Variants in TBC1D14 observed in about 807,000 individuals in gnomAD.
The protein encoded by TBC1D14 is TBC1 domain family member 14.
TBC1D14 carries 26 observed loss-of-function variants against 79.0 expected under a neutral mutation model. That is an observed-to-expected ratio of 0.33 (90% CI 0.24 to 0.46). The LOEUF (loss-of-function observed/expected upper bound fraction) is 0.46, where lower values mean the gene tolerates loss of function less well. Ranked by LOEUF, TBC1D14 falls within the 20% of genes least tolerant of loss-of-function variation. The pLI is 1.00. For synonymous variants in TBC1D14, 394 were observed against 349.9 expected (o/e 1.13, Z -1.40); for missense variants, 769 against 887.6 (o/e 0.87, Z 1.70).
rs1711557699 is a variant in TBC1D14 at position 6,929,788 on chromosome 4, G to T, written c.722+5677G>T. 2.0e-5 allele frequency among the ~76,000 whole-genome samples: 3 copies of T among 152,244 alleles called. No homozygotes were observed. In the South Asian group the frequency reaches 6.2e-4, roughly 31 times the overall value. On this transcript the variant is annotated intron_variant, in intron 2 of 13. Coordinates refer to ENST00000409757, the MANE Select transcript of TBC1D14 (RefSeq NM_020773.3). ...AATGAGTTAAACTGTTAGCTGGATAGAGTTGAGATGAGCAGCTCCCTTTGG... is the reference window on the plus strand; with the variant it reads ...AATGAGTTAAACTGTTAGCTGGATATAGTTGAGATGAGCAGCTCCCTTTGG...
intron 2 of TBC1D14, among the ~76,000 whole-genome samples, chr4:6,960,978 C>A (rs1311675432): frequency 6.6e-6 from 1 of 152,200 alleles, no homozygotes; most frequent in Non-Finnish European, 1.5e-5. Flanking sequence ...AATGTGTGAG[C>A]CGTGGACCTC....
chr4:6,987,160 G>C (rs1007671463), intron 3 of TBC1D14: 1 of 1,136,052 alleles, frequency 8.8e-7, no homozygotes, highest in African/African-American at 1.6e-5. Flanking sequence ...GCGCCGAGCC[G>C]GCAGCGCGGA....
At chr4:6,975,665 G>T (rs1716654229) in intron 3 of TBC1D14, among the ~76,000 whole-genome samples, 1 of 152,164 alleles carries the variant, frequency 6.6e-6, no homozygotes, top group African/African-American at 2.4e-5. Flanking sequence ...TAAAGGAAAA[G>T]AAACTATAAA....
At chr4:6,983,362 G>A (rs1360330282) in intron 3 of TBC1D14, among the ~76,000 whole-genome samples, 1 of 152,162 alleles carries the variant, frequency 6.6e-6, no homozygotes, top group Non-Finnish European at 1.5e-5. Flanking sequence ...GAAACCAGAC[G>A]TAAGTGGATG....
intron 5 of TBC1D14, among the ~76,000 whole-genome samples, chr4:6,996,849 G>A (rs1343973470): frequency 6.6e-6 from 1 of 152,256 alleles, no homozygotes; most frequent in Non-Finnish European, 1.5e-5. Flanking sequence ...AAAAGTGACT[G>A]TGTAAGATAG....
chr4:7,006,793 A>T lies in TBC1D14; in HGVS notation c.1446+67A>T, dbSNP rs554136113. 5 of 1,469,100 alleles carry T rather than the reference A, an allele frequency of 3.4e-6. No individual in the cohort carries two copies. The African/African-American group carries it at 7.0e-5, about 21-fold the overall frequency. The allele number at this position is 1,469,100 out of a possible 1,614,324, so 91.0% of individuals were successfully genotyped here. A position where few individuals can be genotyped will look rare whatever the true frequency, so the allele number is the denominator to read the frequency against. On this transcript the variant is annotated intron_variant, in intron 9 of 13. Transcript: ENST00000409757. ...AAAATTCATAGATGCTGAACTGTGT[A>T]TATTTGTTGTCAAGTTTGAAAGGTA... is the stretch of plus-strand genomic sequence containing the variant.
At chr4:6,916,154 T>A (rs1489896425) in intron 1 of TBC1D14, among the ~76,000 whole-genome samples, 1 of 145,788 alleles carries the variant, frequency 6.9e-6, no homozygotes, top group Non-Finnish European at 1.5e-5. Flanking sequence ...GGGATAAGAA[T>A]CCGGAAGTCA....
At chr4:6,950,060 C>T (rs1479075361) in intron 2 of TBC1D14, among the ~76,000 whole-genome samples, 1 of 152,124 alleles carries the variant, frequency 6.6e-6, no homozygotes, top group Non-Finnish European at 1.5e-5. Context: ...CTCCCTCTCC[C>T]CGTGCTCCCC....
At chr4:6,981,815 A>G (rs1233870386) in intron 3 of TBC1D14, among the ~76,000 whole-genome samples, 2 of 152,232 alleles carry the variant, frequency 1.3e-5, no homozygotes, top group Non-Finnish European at 1.5e-5. Context: ...GATAGAATTC[A>G]GTGTCCATTC....
At chr4:6,962,092 G>A (rs183467870) in intron 2 of TBC1D14, among the ~76,000 whole-genome samples, 162 of 152,260 alleles carry the variant, frequency 1.1e-3, no homozygotes, top group Admixed American at 2.2e-3. Context: ...TCATCTTTGC[G>A]GACGTTGTCA....
In TBC1D14 at chr4:7,014,432, CA is replaced by C. The variant is rs758908320; in HGVS notation, c.1648-15del. ...GTGCAGATAGTTTCTGAGTAAATTT[CA>C]TATTATCTCCCTAGATGTTGACTTA... On this transcript the variant is annotated splice_polypyrimidine_tract_variant and intron_variant, in intron 11 of 13. Transcript: ENST00000409757. 1.3e-5 allele frequency: 21 copies of C among 1,561,374 alleles called. No homozygotes were observed. Among genetic ancestry groups the C allele is most frequent in the Non-Finnish European group, 1.8e-5 (20 of 1,134,028 alleles).
At chr4:7,027,382 C>T (rs115875662) in intron 13 of TBC1D14, among the ~76,000 whole-genome samples, 4,087 of 135,630 alleles carry the variant, frequency 0.03, 238 homozygotes, top group African/African-American at 0.11. Context: ...CCATTCACCC[C>T]CCATCTCACA....
intron 2 of TBC1D14, among the ~76,000 whole-genome samples, chr4:6,932,345 T>G: frequency 6.7e-6 from 1 of 149,002 alleles, no homozygotes; most frequent in African/African-American, 2.5e-5. Flanking sequence ...TGCACGATCT[T>G]GGGCGACAGA....
chr4:6,971,025 G>T (rs1716177331), intron 3 of TBC1D14, among the ~76,000 whole-genome samples: 2 of 144,030 alleles, frequency 1.4e-5, no homozygotes, highest in African/African-American at 5.2e-5. Context: ...GCCTCAAGGA[G>T]CCTGTGGCTG....
chr4:6,922,269 C>G (rs965869075), intron 1 of TBC1D14, among the ~76,000 whole-genome samples: 1 of 152,090 alleles, frequency 6.6e-6, no homozygotes, highest in South Asian at 2.1e-4. Flanking sequence ...TTGCCCACGC[C>G]GCACTGACGG....
intron 1 of TBC1D14, among the ~76,000 whole-genome samples, chr4:6,918,743 T>G (rs762184571): frequency 2.0e-5 from 3 of 152,110 alleles, no homozygotes; most frequent in African/African-American, 2.4e-5. Flanking sequence ...TCTGCTGGAG[T>G]GTTGATGATG....
At chr4:6,986,376 A>G (rs1717824402) in intron 3 of TBC1D14, among the ~76,000 whole-genome samples, 1 of 152,258 alleles carries the variant, frequency 6.6e-6, no homozygotes, top group African/African-American at 2.4e-5. Flanking sequence ...ATGCTGAATT[A>G]TAGAAGAAGC....
chr4:7,005,734 C>A (rs6819148), intron 8 of TBC1D14, among the ~76,000 whole-genome samples: 10,002 of 151,910 alleles, frequency 0.066, 761 homozygotes, highest in African/African-American at 0.19. Flanking sequence ...CCAGTTCCTG[C>A]GAGGTGTTTG....
At chr4:7,005,058 G>GT (rs1220880530) in intron 8 of TBC1D14, 134 bp downstream of exon 8, 248 of 815,378 alleles carry the variant, frequency 3.0e-4, no homozygotes, top group South Asian at 4.5e-4. Context: ...CGAGAAAAGG[G>GT]TTTTTTTTGT....
Sources: gnomAD v4.1 joint callset for allele counts (sites outside exome capture counted in the v4.1 genomes callset) on GRCh38, gnomAD v4.1.1 for gene constraint, MANE v1.5 for transcripts, NCBI Gene and HGNC (gene_info 2026-07-23, HGNC 2026-07-21) for gene names.